Variants in NPAS3 observed in about 807,000 individuals in gnomAD.
The protein encoded by NPAS3 is neuronal PAS domain protein 3.
Under a neutral mutation model 73.1 loss-of-function variants are expected in NPAS3, and 14 were observed. That is an observed-to-expected ratio of 0.19 (90% confidence interval 0.13 to 0.30). The LOEUF (loss-of-function observed/expected upper bound fraction) is 0.30, where lower values mean the gene tolerates loss of function less well. Ranked by LOEUF, NPAS3 falls within the 10% of genes least tolerant of loss-of-function variation. The pLI is 1.00. For missense variants in NPAS3, 1,096 were observed against 1,250.0 expected, an observed-to-expected ratio of 0.88 and a Z score of 1.86; for synonymous variants, 620 against 541.5, an observed-to-expected ratio of 1.14 and a Z score of -2.01.
At chr14:33,212,599 C>T (rs1279376287) in intron 2 of NPAS3, among the ~76,000 whole-genome samples, 2 of 152,142 alleles carry the variant, frequency 1.3e-5, no homozygotes, top group Non-Finnish European at 2.9e-5. Context: ...AGAGAAAAGC[C>T]ATCTCCCTAG....
intron 4 of NPAS3, among the ~76,000 whole-genome samples, chr14:33,491,364 G>A (rs1304402875): frequency 6.6e-6 from 1 of 151,980 alleles, no homozygotes; most frequent in Non-Finnish European, 1.5e-5. Flanking sequence ...TCTCAGAATA[G>A]GCCATTCTGG....
chr14:33,639,571 C>CAGGAGTGTGACCCTTTCTTTCTGAGTTCA (rs2058619056), intron 5 of NPAS3, among the ~76,000 whole-genome samples: 1 of 152,122 alleles, frequency 6.6e-6, no homozygotes, highest in Non-Finnish European at 1.5e-5. Flanking sequence ...AGCTCTTGTT[C>CAGGAGTGTGACCCTTTCTTTCTGAGTTCA]AGGAGTGTGA....
chr14:33,379,405 T>C (rs2046443643), intron 4 of NPAS3, among the ~76,000 whole-genome samples: 1 of 152,170 alleles, frequency 6.6e-6, no homozygotes, highest in Non-Finnish European at 1.5e-5. Flanking sequence ...AGTAAAAACT[T>C]TCTTATTGTG....
chr14:33,477,874 C>A (rs2051117142), intron 4 of NPAS3, among the ~76,000 whole-genome samples: 1 of 152,218 alleles, frequency 6.6e-6, no homozygotes, highest in African/African-American at 2.4e-5. Flanking sequence ...TCTAATGCTT[C>A]TTCTGTGGTC....
chr14:32,981,820 T>C (rs1353389063), intron 1 of NPAS3, among the ~76,000 whole-genome samples: 1 of 152,204 alleles, frequency 6.6e-6, no homozygotes, highest in African/African-American at 2.4e-5. Context: ...ACTCAACTCT[T>C]AATTGCACAA....
At chr14:33,337,690 A>G (rs1001288329) in intron 3 of NPAS3, among the ~76,000 whole-genome samples, 17 of 152,036 alleles carry the variant, frequency 1.1e-4, no homozygotes, top group African/African-American at 3.9e-4. Context: ...TTGCTGTTTG[A>G]ATACTGAGTC....
intron 2 of NPAS3, among the ~76,000 whole-genome samples, chr14:33,168,741 C>T (rs1253312153): frequency 6.6e-6 from 1 of 150,932 alleles, no homozygotes; most frequent in African/African-American, 2.4e-5. Flanking sequence ...CCTATGTCCT[C>T]TTCCCCTCTT....
chr14:33,504,059 A>T (rs1319021614), intron 4 of NPAS3, among the ~76,000 whole-genome samples: 1 of 152,006 alleles, frequency 6.6e-6, no homozygotes, highest in East Asian at 1.9e-4. Flanking sequence ...CACCCACCGC[A>T]CATAGGGTGT....
intron 1 of NPAS3, among the ~76,000 whole-genome samples, chr14:32,940,559 G>A (rs902462811): frequency 1.3e-5 from 2 of 152,214 alleles, no homozygotes; most frequent in Non-Finnish European, 2.9e-5. Flanking sequence ...ACTGATTCAT[G>A]AGGAAAACAA....
intron 1 of NPAS3, among the ~76,000 whole-genome samples, chr14:33,021,857 A>G (rs922118222): frequency 1.3e-5 from 2 of 152,216 alleles, no homozygotes; most frequent in Admixed American, 6.5e-5. Flanking sequence ...TAATAGAACA[A>G]TAACTGTTAC....
chr14:33,301,665 C>T (rs916297663), intron 3 of NPAS3, among the ~76,000 whole-genome samples: 11 of 152,014 alleles, frequency 7.2e-5, no homozygotes, highest in African/African-American at 2.4e-4. Flanking sequence ...TACTAAAATA[C>T]TTATATAGGC....
chr14:33,793,498 A>G (rs1158565255), intron 9 of NPAS3, among the ~76,000 whole-genome samples: 1 of 152,224 alleles, frequency 6.6e-6, no homozygotes, highest in East Asian at 1.9e-4. Context: ...AATATCCAGA[A>G]TCTCAAAGAG....
intron 4 of NPAS3, among the ~76,000 whole-genome samples, chr14:33,536,514 G>A (rs539302556): frequency 3.3e-5 from 5 of 152,070 alleles, no homozygotes; most frequent in Admixed American, 6.6e-5. Context: ...GAACTAATAC[G>A]AAGAAGTGTT....
At chr14:33,321,909 C>T (rs988766691) in intron 3 of NPAS3, among the ~76,000 whole-genome samples, 7 of 152,074 alleles carry the variant, frequency 4.6e-5, no homozygotes, top group African/African-American at 1.7e-4. Context: ...CTGTGAGTAG[C>T]CTTGAGAAAC....
chr14:33,351,893 G>T (rs545988909), intron 3 of NPAS3, among the ~76,000 whole-genome samples: 1 of 152,112 alleles, frequency 6.6e-6, no homozygotes, highest in Non-Finnish European at 1.5e-5. Context: ...ACCGGGGCCT[G>T]TTGGTGGGTG....
chr14:33,781,812 C>T (rs2062987664), intron 9 of NPAS3, among the ~76,000 whole-genome samples: 1 of 152,164 alleles, frequency 6.6e-6, no homozygotes, highest in African/African-American at 2.4e-5. Flanking sequence ...ATCTTTATCA[C>T]TTATATCTTT....
At chr14:33,691,556 G>C (rs2060236649) in intron 6 of NPAS3, among the ~76,000 whole-genome samples, 1 of 152,194 alleles carries the variant, frequency 6.6e-6, no homozygotes. Context: ...GAAATGAAGT[G>C]AAAATGTAAT....
At chr14:33,383,832 G>C (rs2138489907) in intron 4 of NPAS3, among the ~76,000 whole-genome samples, 1 of 152,042 alleles carries the variant, frequency 6.6e-6, no homozygotes. Flanking sequence ...TTTCATCTTT[G>C]TGTTTTCCAG....
At chr14:33,444,063 A>T (rs2049373097) in intron 4 of NPAS3, among the ~76,000 whole-genome samples, 1 of 152,186 alleles carries the variant, frequency 6.6e-6, no homozygotes, top group South Asian at 2.1e-4. Flanking sequence ...AGTAGAAGAA[A>T]TTTACACTTT....
Sources: gnomAD v4.1 joint callset for allele counts (sites outside exome capture counted in the v4.1 genomes callset) on GRCh38, gnomAD v4.1.1 for gene constraint, MANE v1.5 for transcripts, NCBI Gene and HGNC (gene_info 2026-07-23, HGNC 2026-07-21) for gene names.